The following PLGRKT variants were observed in gnomAD, a reference collection of about 807,000 sequenced individuals.
The protein encoded by PLGRKT is plasminogen receptor (KT).
A neutral mutation model predicts 18.5 loss-of-function variants in PLGRKT; 22 were observed. The ratio of observed to expected loss-of-function variants is 1.19; its 90% CI spans 0.85 to 1.70. PLGRKT has a LOEUF of 1.70. Ranked by LOEUF, PLGRKT falls within the 40% of genes most tolerant of loss-of-function variation. The pLI is 0.00. For missense variants in PLGRKT, 235 were observed against 174.4 expected (o/e 1.35, Z -1.96); for synonymous variants, 72 against 52.8 (o/e 1.36, Z -1.58).
chr9:5,374,368 T>G (rs915355901), intron 3 of PLGRKT, among the ~76,000 whole-genome samples: 1 of 152,240 alleles, frequency 6.6e-6, no homozygotes, highest in African/African-American at 2.4e-5. Flanking sequence ...AAAAATGATC[T>G]GGTGTTGCTT....
At chr9:5,410,914 A>G (rs973610487) in intron 3 of PLGRKT, among the ~76,000 whole-genome samples, 1 of 152,218 alleles carries the variant, frequency 6.6e-6, no homozygotes, top group Non-Finnish European at 1.5e-5. Context: ...ATAAATCAGC[A>G]TTATTTACTT....
chr9:5,388,134 T>C (rs77216026), intron 3 of PLGRKT, among the ~76,000 whole-genome samples: 3,430 of 151,548 alleles, frequency 0.023, 203 homozygotes, highest in African/African-American at 0.08. Flanking sequence ...AGGAAGCGAG[T>C]ATAGATGGTG....
In PLGRKT at chr9:5,418,717, A is replaced by T. The variant is rs1208988495; in HGVS notation, c.81+13180T>A. The T allele has an allele frequency of 4.5e-6, 3 of 666,596 alleles. No individual in the cohort carries two copies. The highest frequency in any genetic ancestry group is 8.3e-6 in the Non-Finnish European group (3 of 359,568). The allele number at this position is 666,596 out of a possible 1,614,324, so 41.3% of individuals were successfully genotyped here. ...GCCGGGAAGTCTGATGAAGACCGGC[A>T]TGTGCTCCGAAGCGTGTGGAATGGT... On this transcript the variant is annotated intron_variant, in intron 3 of 5. Transcript: ENST00000223864. This position sits in a 1 kb window ranked among gnomAD's most constrained non-coding sequence, Gnocchi z 4.2.
At chr9:5,371,167 G>T (rs1817507349) in intron 3 of PLGRKT, among the ~76,000 whole-genome samples, 2 of 152,154 alleles carry the variant, frequency 1.3e-5, no homozygotes, top group South Asian at 4.1e-4. Flanking sequence ...GCAAAAACCT[G>T]TGTTTTATGC....
chr9:5,397,261 T>C (rs752524342), intron 3 of PLGRKT, among the ~76,000 whole-genome samples: 1 of 151,938 alleles, frequency 6.6e-6, no homozygotes, highest in Admixed American at 6.6e-5. Context: ...GTGTGCTTAC[T>C]ACCCTCATCT....
chr9:5,358,298 T>C lies in PLGRKT; in HGVS notation c.385A>G (p.Thr129Ala). ...SKLQLPRGMI[T>A]FESIEKARKE... Reference sequence around the variant, plus strand: ...CTGGCTTTTTCAATGCTTTCAAAAGTGATCATTCCTCTTGGCAGCTGCAAT... The same window carrying C: ...CTGGCTTTTTCAATGCTTTCAAAAGCGATCATTCCTCTTGGCAGCTGCAAT... Residue 129 changes from threonine (T) to alanine (A), a missense_variant, in exon 6 of 6, where the codon ACT becomes GCT. By Grantham distance (58) the Thr-to-Ala change is moderately conservative. Coordinates refer to ENST00000223864, the MANE Select transcript of PLGRKT (RefSeq NM_018465.4). The C allele has an allele frequency of 6.2e-7, 1 of 1,608,126 alleles. No individual in the cohort carries two copies. Among genetic ancestry groups the C allele is most frequent in the Non-Finnish European group, 8.5e-7 (1 of 1,174,756 alleles).
intron 3 of PLGRKT, among the ~76,000 whole-genome samples, chr9:5,421,975 G>A (rs1402266135): frequency 6.6e-6 from 1 of 152,120 alleles, no homozygotes; most frequent in Non-Finnish European, 1.5e-5. Flanking sequence ...GACTTCTAGG[G>A]TATCAATTCA....
intron 3 of PLGRKT, among the ~76,000 whole-genome samples, chr9:5,417,070 T>TTTACA (rs1818475875): frequency 1.3e-5 from 2 of 152,220 alleles, no homozygotes; most frequent in African/African-American, 4.8e-5. Context: ...TCCTTCTTAC[T>TTTACA]GTAACTAAGC....
At chr9:5,376,977 A>C (rs538328473) in intron 3 of PLGRKT, among the ~76,000 whole-genome samples, 2 of 152,320 alleles carry the variant, frequency 1.3e-5, no homozygotes, top group Non-Finnish European at 2.9e-5. Context: ...CTATTCAAAA[A>C]TTTATAATTT....
intron 3 of PLGRKT, among the ~76,000 whole-genome samples, chr9:5,366,997 C>G (rs1159963903): frequency 6.7e-6 from 1 of 149,264 alleles, no homozygotes; most frequent in Non-Finnish European, 1.5e-5. Flanking sequence ...AGAATGCAAT[C>G]CCATTTACAA....
intron 3 of PLGRKT, among the ~76,000 whole-genome samples, chr9:5,366,467 G>T (rs1482475095): frequency 6.6e-6 from 1 of 152,126 alleles, no homozygotes; most frequent in Non-Finnish European, 1.5e-5. Flanking sequence ...AAATGTTCCT[G>T]ATTATAACTT....
At position 5,359,068 on chromosome 9, in the gene PLGRKT, T is replaced by A. The variant is rs370900087; in HGVS notation, c.323-708A>T. Among the ~76,000 whole-genome samples the A allele has an allele frequency of 8.0e-3, 1,080 of 134,560 alleles. 4 individuals are homozygous for A. The highest frequency in any genetic ancestry group is 0.018 in the South Asian group (84 of 4,784). The allele number at this position is 134,560 out of a possible 152,430, so 88.3% of individuals were successfully genotyped here. ...CCTCTTTTAACACACTATTTTATTT[T>A]TTTTTTTTTTTTGAGACAGTGTCTA... On this transcript the variant is annotated intron_variant, in intron 5 of 5. Coordinates refer to ENST00000223864, the MANE Select transcript of PLGRKT (RefSeq NM_018465.4).
At chr9:5,394,322 A>ACG (rs1415737587) in intron 3 of PLGRKT, among the ~76,000 whole-genome samples, 8 of 151,934 alleles carry the variant, frequency 5.3e-5, no homozygotes, top group Non-Finnish European at 1.2e-4. Flanking sequence ...AGAACAAGGT[A>ACG]AATGGCTCAG....
intron 3 of PLGRKT, among the ~76,000 whole-genome samples, chr9:5,397,551 G>A (rs994747462): frequency 3.3e-5 from 5 of 151,570 alleles, no homozygotes; most frequent in African/African-American, 9.8e-5. Context: ...GAAGGAAGGA[G>A]GGAGGGAAGG....
chr9:5,391,320 T>C (rs1012913547), intron 3 of PLGRKT, among the ~76,000 whole-genome samples: 2 of 151,998 alleles, frequency 1.3e-5, no homozygotes, highest in Admixed American at 6.5e-5. Context: ...CAACATGTCT[T>C]GAAAACATTG....
chr9:5,422,871 A>T (rs1818604314), intron 3 of PLGRKT, among the ~76,000 whole-genome samples: 1 of 152,162 alleles, frequency 6.6e-6, no homozygotes, highest in Admixed American at 6.5e-5. Context: ...CTCTACATGC[A>T]CTTTAGCAAG....
At chr9:5,416,124 T>C (rs1023447901) in intron 3 of PLGRKT, among the ~76,000 whole-genome samples, 2 of 152,142 alleles carry the variant, frequency 1.3e-5, no homozygotes, top group East Asian at 1.9e-4. Context: ...TATTTCAAAA[T>C]TAAACATTTT....
intron 3 of PLGRKT, among the ~76,000 whole-genome samples, chr9:5,399,729 C>T (rs753862842): frequency 2.0e-5 from 3 of 151,738 alleles, no homozygotes; most frequent in South Asian, 2.1e-4. Context: ...TGGCTCATGC[C>T]TGTAATACCA....
At position 5,431,181 on chromosome 9, in the gene PLGRKT, G is replaced by T. The variant is rs558431009; in HGVS notation, c.81+716C>A. Among the ~76,000 whole-genome samples the T allele has an allele frequency of 3.9e-5, 6 of 152,274 alleles. No homozygotes were observed. The South Asian group carries it at 1.2e-3, about 32-fold the overall frequency. On this transcript the variant is annotated intron_variant, in intron 3 of 5. Transcript: ENST00000223864. ...TCATGATCCTTAAACAATCTTCAAA[G>T]CCAGCAGTGTAGCATCTTCAAATCT...
Sources: gnomAD v4.1 joint callset for allele counts (sites outside exome capture counted in the v4.1 genomes callset) on GRCh38, gnomAD v4.1.1 for gene constraint, Gnocchi (gnomAD v3.1) non-coding constraint, MANE v1.5 for transcripts, NCBI Gene and HGNC (gene_info 2026-07-23, HGNC 2026-07-21) for gene names.